The following DACH1 variants were observed in gnomAD, a reference collection of about 807,000 sequenced individuals.
DACH1 encodes the protein dachshund homolog 1.
DACH1 carries 12 observed loss-of-function variants against 54.2 expected under a neutral mutation model. That is an observed-to-expected ratio of 0.22 (90% CI 0.14 to 0.36). The LOEUF (loss-of-function observed/expected upper bound fraction) is 0.36, where lower values mean the gene tolerates loss of function less well. Among genes scored for constraint, DACH1 ranks in the 10% least tolerant of loss-of-function variants. The pLI, the probability that DACH1 is intolerant of heterozygous loss-of-function variation, is 1.00. For missense variants in DACH1, 805 were observed against 929.8 expected, an observed-to-expected ratio of 0.87 and a Z score of 1.75; for synonymous variants, 386 against 366.2, an observed-to-expected ratio of 1.05 and a Z score of -0.62.
At chr13:71,799,130 T>G (rs986761038) in intron 1 of DACH1, among the ~76,000 whole-genome samples, 5 of 152,128 alleles carry the variant, frequency 3.3e-5, no homozygotes, top group African/African-American at 9.7e-5. Context: ...AAGATTCAGC[T>G]TTATTTACAC....
At chr13:71,522,546 A>G (rs2138284777) in intron 6 of DACH1, among the ~76,000 whole-genome samples, 1 of 152,178 alleles carries the variant, frequency 6.6e-6, no homozygotes, top group South Asian at 2.1e-4. Flanking sequence ...CTGGAGGCTG[A>G]GGAGGGAGGA....
chr13:71,464,498 AAAG>A, intron 10 of DACH1: 1 of 359,342 alleles, frequency 2.8e-6, no homozygotes, highest in South Asian at 2.1e-5. Flanking sequence ...GAAGTTCATT[AAAG>A]AAGATAAATA....
intron 1 of DACH1, among the ~76,000 whole-genome samples, chr13:71,798,376 AT>A (rs555217369): frequency 8.3e-6 from 1 of 120,328 alleles, no homozygotes; most frequent in Non-Finnish European, 1.8e-5. Flanking sequence ...ATTACCTATA[AT>A]TTTTTTTCAA....
At chr13:71,702,612 T>C (rs1011662828) in intron 1 of DACH1, among the ~76,000 whole-genome samples, 27 of 152,114 alleles carry the variant, frequency 1.8e-4, no homozygotes, top group Non-Finnish European at 3.5e-4. Flanking sequence ...ACAATGCTGA[T>C]TAAAAAAAGA....
chr13:71,513,570 A>G (rs1026363153), intron 6 of DACH1, among the ~76,000 whole-genome samples: 1 of 152,064 alleles, frequency 6.6e-6, no homozygotes, highest in Non-Finnish European at 1.5e-5. Flanking sequence ...GCTATTATGG[A>G]ACAGATGTTA....
chr13:71,849,995 C>T lies in DACH1; in HGVS notation c.848+15927G>A, dbSNP rs141734032. ...GTGTGTACACAAAAATGTATACATA[C>T]GCTTACACTCCTAATGTTGCACAAG... On this transcript the variant is annotated intron_variant, in intron 1 of 10. Coordinates refer to ENST00000613252, the MANE Select transcript of DACH1 (RefSeq NM_080759.6). Among the ~76,000 whole-genome samples, 1,246 of 152,258 alleles carry T rather than the reference C, an allele frequency of 8.2e-3. 13 individuals are homozygous for T. The highest frequency in any genetic ancestry group is 0.028 in the African/African-American group (1,179 of 41,552).
intron 3 of DACH1, among the ~76,000 whole-genome samples, chr13:71,629,698 G>C (rs1161253174): frequency 6.6e-6 from 1 of 152,036 alleles, no homozygotes; most frequent in African/African-American, 2.4e-5. Context: ...TGAGTTATTA[G>C]GGTCTTCATA....
At chr13:71,476,934 T>A (rs2138176301) in intron 8 of DACH1, among the ~76,000 whole-genome samples, 2 of 151,458 alleles carry the variant, frequency 1.3e-5, no homozygotes, top group South Asian at 4.2e-4. Flanking sequence ...TCATGAAGAC[T>A]AATCATTCCA....
At chr13:71,545,924 A>C (rs1020589322) in intron 6 of DACH1, among the ~76,000 whole-genome samples, 4 of 152,108 alleles carry the variant, frequency 2.6e-5, no homozygotes, top group Non-Finnish European at 5.9e-5. Context: ...ATCAAGGCAG[A>C]GAGGCATGCA....
At chr13:71,839,224 A>G (rs1888921040) in intron 1 of DACH1, among the ~76,000 whole-genome samples, 1 of 152,212 alleles carries the variant, frequency 6.6e-6, no homozygotes, top group African/African-American at 2.4e-5. Context: ...GAAGACAGAG[A>G]GAAAAAATCA....
chr13:71,671,081 T>C (rs1400210569), intron 2 of DACH1, among the ~76,000 whole-genome samples: 2 of 152,008 alleles, frequency 1.3e-5, no homozygotes, highest in Admixed American at 6.6e-5. Context: ...TGTTTTATCA[T>C]TTCTGATGAT....
chr13:71,847,862 T>G (rs58306503), intron 1 of DACH1, among the ~76,000 whole-genome samples: 2,283 of 152,274 alleles, frequency 0.015, 55 homozygotes, highest in African/African-American at 0.05. Context: ...AATATTATAT[T>G]GATGTGTTCA....
At chr13:71,817,802 CTTTCTTT>C (rs1888018533) in intron 1 of DACH1, among the ~76,000 whole-genome samples, 2 of 138,744 alleles carry the variant, frequency 1.4e-5, no homozygotes, top group African/African-American at 5.4e-5. Flanking sequence ...TTCTTTCTTT[CTTTCTTT>C]CTTCCTTTTT....
At chr13:71,457,716 C>A (rs1037396740) in intron 10 of DACH1, among the ~76,000 whole-genome samples, 4 of 151,938 alleles carry the variant, frequency 2.6e-5, no homozygotes, top group Non-Finnish European at 4.4e-5. Context: ...TGGAGAGTGG[C>A]TTGACTCACT....
intron 3 of DACH1, among the ~76,000 whole-genome samples, chr13:71,624,638 TTTAATCTGTTAAACAA>T (rs1367577157): frequency 6.6e-6 from 1 of 151,942 alleles, no homozygotes; most frequent in African/African-American, 2.4e-5. Flanking sequence ...ACTTTCTACA[TTTAATCTGTTAAACAA>T]TAGCAAATTT....
intron 6 of DACH1, among the ~76,000 whole-genome samples, chr13:71,551,670 C>G (rs756604719): frequency 3.2e-4 from 48 of 151,892 alleles, no homozygotes; most frequent in Non-Finnish European, 3.2e-4. Flanking sequence ...GAGAACTGCA[C>G]AAATAAAAAT....
At chr13:71,835,257 A>C (rs1888740441) in intron 1 of DACH1, among the ~76,000 whole-genome samples, 1 of 152,078 alleles carries the variant, frequency 6.6e-6, no homozygotes, top group South Asian at 2.1e-4. Flanking sequence ...AAGGCAAATA[A>C]AGGCTTGTTT....
rs1186277049 is a variant in DACH1, at chr13:71,779,207, GTA to G, written c.848+86713_848+86714del. On this transcript the variant is annotated intron_variant, in intron 1 of 10. Coordinates refer to ENST00000613252, the MANE Select transcript of DACH1 (RefSeq NM_080759.6). ...TATATACGTATATACGTATATATGT[GTA>G]TATATATACGTATATACGTATATAT... Among the ~76,000 whole-genome samples the G allele has an allele frequency of 9.9e-3, 1,029 of 104,428 alleles. 29 individuals carry two copies. The highest frequency in any genetic ancestry group is 0.044 in the African/African-American group (909 of 20,794). The allele number at this position is 104,428 out of a possible 152,430, so 68.5% of individuals were successfully genotyped here.
chr13:71,506,044 T>G, intron 6 of DACH1, among the ~76,000 whole-genome samples: 1 of 152,166 alleles, frequency 6.6e-6, no homozygotes, highest in Middle Eastern at 3.4e-3. Context: ...TTATTCTACA[T>G]TAGAAAAATT....
Sources: allele counts gnomAD v4.1 joint callset (sites outside exome capture counted in the v4.1 genomes callset), GRCh38; gene constraint gnomAD v4.1.1; transcripts MANE v1.5; gene names NCBI Gene and HGNC (gene_info 2026-07-23, HGNC 2026-07-21).